TMEM220: variants seen among roughly 807,000 people sequenced by gnomAD.
TMEM220 encodes transmembrane protein 220.
A neutral mutation model predicts 21.7 loss-of-function variants in TMEM220; 21 were observed. That is an observed-to-expected ratio of 0.97 (90% CI 0.69 to 1.39). The LOEUF (loss-of-function observed/expected upper bound fraction) is 1.39. Among genes scored for constraint, TMEM220 ranks in the 40% most tolerant of loss-of-function variants. The pLI is 0.00. For synonymous variants in TMEM220, 80 were observed against 73.6 expected (o/e 1.09, Z -0.45); for missense variants, 191 against 201.9 (o/e 0.95, Z 0.33).
At position 10,727,518 on chromosome 17, in the gene TMEM220, T is replaced by A. The variant is rs76541474; in HGVS notation, c.103-1254A>T. ...AGGAGCAGTGTGACATGCAGGTGAA[T>A]ATACGCAGCAGTCTTTTGGAAATTC... On this transcript the variant is annotated intron_variant, in intron 2 of 5. Transcript: ENST00000341871. 2.4e-3 allele frequency among the ~76,000 whole-genome samples: 358 copies of A among 152,252 alleles called. 3 individuals carry two copies. The highest frequency in any genetic ancestry group is 8.3e-3 in the African/African-American group (343 of 41,552).
At chr17:10,722,701 ATT>A (rs1191535154) in intron 5 of TMEM220, among the ~76,000 whole-genome samples, 1 of 152,076 alleles carries the variant, frequency 6.6e-6, no homozygotes, top group East Asian at 1.9e-4. Flanking sequence ...ACGCACTTAT[ATT>A]GTCTTTGCTC....
intron 5 of TMEM220, among the ~76,000 whole-genome samples, chr17:10,718,377 TG>T (rs1198407412): frequency 2.0e-5 from 3 of 152,176 alleles, no homozygotes; most frequent in Non-Finnish European, 4.4e-5. Flanking sequence ...GGCTTATCAA[TG>T]TTATAAATCA....
In TMEM220 at chr17:10,726,906, G is replaced by A. The variant is rs930256401; in HGVS notation, c.103-642C>T. On this transcript the variant is annotated intron_variant, in intron 2 of 5. Coordinates refer to ENST00000341871, the MANE Select transcript of TMEM220 (RefSeq NM_001004313.3). ...CTTACTATTGTGTGTGTTGTTGGCA[G>A]GGAATAAGTAGGGAGGGTGGGTTTA... Among the ~76,000 whole-genome samples the A allele has an allele frequency of 6.6e-5, 10 of 152,346 alleles. No homozygotes were observed. The South Asian group carries it at 1.9e-3, about 28-fold the overall frequency.
At chr17:10,715,688 G>T in intron 5 of TMEM220, 100 bp from the exon 6 acceptor site, 1 of 825,446 alleles carries the variant, frequency 1.2e-6, no homozygotes, top group Non-Finnish European at 1.8e-6. Context: ...ATTTTAGTAT[G>T]TTCTCATCTC....
rs5819281 is a variant in TMEM220, at chr17:10,714,919, T to TA, written c.*533dup. On this transcript the variant is annotated 3_prime_UTR_variant, in exon 6 of 6. Transcript: ENST00000341871. Reference sequence around the variant, plus strand: ...CCTGGGCAATAGAGTGGGACTGTCTTAAAAAAAAAAAAAGATCGGGGTATA... The same window carrying TA: ...CCTGGGCAATAGAGTGGGACTGTCTTAAAAAAAAAAAAAAGATCGGGGTATA... 2,423 of 147,608 alleles carry TA rather than the reference T, an allele frequency of 0.016. 91 individuals carry two copies. The highest frequency in any genetic ancestry group is 0.15 in the East Asian group (732 of 5,016). 9.1% of individuals were successfully genotyped at this position (147,608 alleles called of 1,614,324 possible).
At chr17:10,721,349 C>CTGT (rs560287990) in intron 5 of TMEM220, among the ~76,000 whole-genome samples, 558 of 152,244 alleles carry the variant, frequency 3.7e-3, no homozygotes, top group African/African-American at 0.012. Flanking sequence ...TGGCTCACGC[C>CTGT]TGTAATCCCA....
intron 3 of TMEM220, among the ~76,000 whole-genome samples, chr17:10,725,967 TGAA>T (rs2075044417): frequency 6.6e-6 from 1 of 152,188 alleles, no homozygotes; most frequent in African/African-American, 2.4e-5. Context: ...TTAAAGAAAG[TGAA>T]GAAGAATCTG....
chr17:10,721,147 G>A (rs1305752810), intron 5 of TMEM220, among the ~76,000 whole-genome samples: 1 of 152,148 alleles, frequency 6.6e-6, no homozygotes, highest in African/African-American at 2.4e-5. Context: ...GGTATAACAT[G>A]CGCCTGGAAC....
At chr17:10,717,456 A>G (rs2074935985) in intron 5 of TMEM220, among the ~76,000 whole-genome samples, 2 of 152,210 alleles carry the variant, frequency 1.3e-5, no homozygotes. Context: ...CATTCCATTA[A>G]TGTGGTGGAA....
chr17:10,719,102 A>G (rs1388898838), intron 5 of TMEM220, among the ~76,000 whole-genome samples: 1 of 152,184 alleles, frequency 6.6e-6, no homozygotes, highest in Non-Finnish European at 1.5e-5. Context: ...TAGCAGTTAT[A>G]TCTTCTTGAT....
intron 5 of TMEM220, among the ~76,000 whole-genome samples, chr17:10,720,757 T>C (rs1164656012): frequency 6.6e-6 from 1 of 152,204 alleles, no homozygotes. Flanking sequence ...GCCCAGTAAT[T>C]TGAGTGTACA....
At chr17:10,727,375 G>A (rs1472667460) in intron 2 of TMEM220, among the ~76,000 whole-genome samples, 1 of 152,136 alleles carries the variant, frequency 6.6e-6, no homozygotes, top group East Asian at 1.9e-4. Context: ...TGATAAAGAT[G>A]ACTGAGATTC....
At chr17:10,720,140 G>A (rs374449403) in intron 5 of TMEM220, among the ~76,000 whole-genome samples, 3 of 152,190 alleles carry the variant, frequency 2.0e-5, no homozygotes, top group African/African-American at 4.8e-5. Flanking sequence ...GCCATCTGGA[G>A]GGGAATTCGG....
intron 5 of TMEM220, among the ~76,000 whole-genome samples, chr17:10,722,863 A>G (rs142621201): frequency 1.1e-3 from 167 of 152,272 alleles, no homozygotes; most frequent in Non-Finnish European, 1.3e-3. Context: ...GATACTTTAA[A>G]TCAACTATTA....
At position 10,714,743 on chromosome 17, in the gene TMEM220, C is replaced by A. The variant is rs923715618; in HGVS notation, c.*710G>T. The A allele has an allele frequency of 6.6e-6, 1 of 152,146 alleles. No individual in the cohort carries two copies. Among genetic ancestry groups the A allele is most frequent in the Non-Finnish European group, 1.5e-5 (1 of 68,098 alleles). 9.4% of individuals were successfully genotyped at this position (152,146 alleles called of 1,614,324 possible). A position where few individuals can be genotyped will look rare whatever the true frequency, so the allele number is the denominator to read the frequency against. ...GACCAGCCTGGACAACACGGTGAAACCCTGCCTCTACAAAAAATTTAAAAA... is the reference window on the plus strand; with the variant it reads ...GACCAGCCTGGACAACACGGTGAAAACCTGCCTCTACAAAAAATTTAAAAA... On this transcript the variant is annotated 3_prime_UTR_variant, in exon 6 of 6. Transcript: ENST00000341871.
In TMEM220 at chr17:10,713,774, C is replaced by T. The variant is rs1477541395; in HGVS notation, c.*1679G>A. 1 of 152,118 alleles carries T rather than the reference C, an allele frequency of 6.6e-6. No individual in the cohort carries two copies. The highest frequency in any genetic ancestry group is 1.5e-5 in the Non-Finnish European group (1 of 68,018). 9.4% of individuals were successfully genotyped at this position (152,118 alleles called of 1,614,324 possible). On this transcript the variant is annotated 3_prime_UTR_variant, in exon 6 of 6. Transcript: ENST00000341871. ...TAGATAATTTCTCACCATTCAGTGG[C>T]CACTGTGCCAATAACAAAAACAAAA...
At chr17:10,711,579 A>G (rs890399274), downstream of TMEM220, among the ~76,000 whole-genome samples, 1 of 152,198 alleles carries the variant, frequency 6.6e-6, no homozygotes, top group African/African-American at 2.4e-5. Context: ...TTGGATTTTT[A>G]TAGGCTTGTA....
At chr17:10,711,216 CTG>C (rs1201103390), downstream of TMEM220, 4 of 1,237,576 alleles carry the variant, frequency 3.2e-6, no homozygotes, top group East Asian at 9.7e-5. Context: ...TAAAAATCCT[CTG>C]TCTCATTGTT....
At chr17:10,712,874 C>A (rs2074863826), downstream of TMEM220, among the ~76,000 whole-genome samples, 1 of 152,108 alleles carries the variant, frequency 6.6e-6, no homozygotes, top group South Asian at 2.1e-4. Flanking sequence ...ATTTAACTTG[C>A]CAGATAGTGT....
Sources: gnomAD v4.1 joint callset for allele counts (sites outside exome capture counted in the v4.1 genomes callset) on GRCh38, gnomAD v4.1.1 for gene constraint, MANE v1.5 for transcripts, NCBI Gene and HGNC (gene_info 2026-07-23, HGNC 2026-07-21) for gene names.